CMIP: variants seen among roughly 807,000 people sequenced by gnomAD.
CMIP encodes C-Maf-inducing protein.
In CMIP, 13 loss-of-function variants were observed where a neutral mutation model predicts 97.3. That is an observed-to-expected ratio of 0.13 (90% confidence interval 0.09 to 0.21). The LOEUF (loss-of-function observed/expected upper bound fraction) is 0.21. Ranked by LOEUF, CMIP falls within the 10% of genes least tolerant of loss-of-function variation. The pLI, the probability that CMIP is intolerant of heterozygous loss-of-function variation, is 1.00. For synonymous variants in CMIP, 538 were observed against 436.3 expected, an observed-to-expected ratio of 1.23 and a Z score of -2.91; for missense variants, 847 against 1,024.9, an observed-to-expected ratio of 0.83 and a Z score of 2.37.
chr16:81,640,347 C>G (rs1312293261), intron 3 of CMIP, among the ~76,000 whole-genome samples: 1 of 149,834 alleles, frequency 6.7e-6, no homozygotes, highest in African/African-American at 2.4e-5. Context: ...CCAGCTCCCA[C>G]TTTCTCAACC....
chr16:81,494,624 C>G (rs1238329601), intron 1 of CMIP, among the ~76,000 whole-genome samples: 1 of 152,124 alleles, frequency 6.6e-6, no homozygotes, highest in African/African-American at 2.4e-5. Flanking sequence ...GGGGGACCCC[C>G]GGGGCCGCCC....
intron 1 of CMIP, among the ~76,000 whole-genome samples, chr16:81,607,273 G>C (rs534778914): frequency 6.6e-6 from 1 of 152,336 alleles, no homozygotes; most frequent in Admixed American, 6.5e-5. Flanking sequence ...CGCTGGCCCC[G>C]CGGATACCAA....
intron 1 of CMIP, among the ~76,000 whole-genome samples, chr16:81,494,815 A>G (rs1178550021): frequency 6.6e-6 from 1 of 152,204 alleles, no homozygotes; most frequent in African/African-American, 2.4e-5. Flanking sequence ...CATCATGAAT[A>G]TTATTAATAA....
intron 1 of CMIP, among the ~76,000 whole-genome samples, chr16:81,575,707 G>A (rs982824464): frequency 3.9e-5 from 6 of 152,302 alleles, no homozygotes; most frequent in East Asian, 1.9e-4. Flanking sequence ...GCATGTAAAC[G>A]TTGCGTGTTT....
intron 1 of CMIP, among the ~76,000 whole-genome samples, chr16:81,452,463 G>T (rs1360940685): frequency 6.6e-6 from 1 of 152,184 alleles, no homozygotes. Context: ...GCCTGTGTTG[G>T]TGGGAGTGGA....
intron 1 of CMIP, among the ~76,000 whole-genome samples, chr16:81,560,779 C>G (rs2090866990): frequency 6.6e-6 from 1 of 152,174 alleles, no homozygotes; most frequent in Non-Finnish European, 1.5e-5. Context: ...TACCACTGTG[C>G]TACAGCTACC....
At chr16:81,539,754 T>G (rs901302637) in intron 1 of CMIP, among the ~76,000 whole-genome samples, 3 of 152,158 alleles carry the variant, frequency 2.0e-5, no homozygotes, top group African/African-American at 7.2e-5. Context: ...CCTAATTCCC[T>G]CCGCCTCATC....
At chr16:81,603,274 G>A in intron 1 of CMIP, 2 of 397,408 alleles carry the variant, frequency 5.0e-6, no homozygotes, top group Non-Finnish European at 1.0e-5. Context: ...GTAGAGACGG[G>A]GTTTCACCAT....
intron 1 of CMIP, among the ~76,000 whole-genome samples, chr16:81,455,323 A>ACCCAGTTAGATACTGTTACT (rs1043228502): frequency 6.6e-6 from 1 of 152,212 alleles, no homozygotes; most frequent in Non-Finnish European, 1.5e-5. Context: ...GATCCGTACA[A>ACCCAGTTAGATACTGTTACT]CCCAGTTAGA....
intron 9 of CMIP, among the ~76,000 whole-genome samples, chr16:81,672,710 G>C (rs1359559117): frequency 2.0e-5 from 3 of 152,082 alleles, no homozygotes; most frequent in African/African-American, 7.2e-5. Context: ...CGAGTAGCTA[G>C]GACCACAGGC....
At chr16:81,639,280 T>C (rs1035916744) in intron 3 of CMIP, among the ~76,000 whole-genome samples, 4 of 152,252 alleles carry the variant, frequency 2.6e-5, no homozygotes, top group Non-Finnish European at 5.9e-5. Context: ...TTCGGTGAAA[T>C]ATGCATGAGG....
At chr16:81,628,888 C>T (rs747273881) in intron 3 of CMIP, among the ~76,000 whole-genome samples, 4 of 152,058 alleles carry the variant, frequency 2.6e-5, no homozygotes, top group Non-Finnish European at 4.4e-5. Context: ...GTAATCCCAG[C>T]ACTTTCGGAG....
At chr16:81,699,585 G>C (rs1385997780) in intron 14 of CMIP, 100 bp from the exon 15 acceptor site, 1 of 722,526 alleles carries the variant, frequency 1.4e-6, no homozygotes, top group African/African-American at 1.8e-5. Flanking sequence ...CAGCGTGTAG[G>C]CAGGTCTGTT....
In CMIP at chr16:81,579,602, G is replaced by T. The variant is rs2091260442; in HGVS notation, c.301-27965G>T. 2.0e-5 allele frequency among the ~76,000 whole-genome samples: 3 copies of T among 150,450 alleles called. No homozygotes were observed. In the South Asian group the frequency reaches 6.3e-4, roughly 31 times the overall value. ...CATAGCAGGTGTGGAAGAGGTAGAGGGGGCATGGCCCAGCCCTGCTCCCCC... is the reference window on the plus strand; with the variant it reads ...CATAGCAGGTGTGGAAGAGGTAGAGTGGGCATGGCCCAGCCCTGCTCCCCC... On this transcript the variant is annotated intron_variant, in intron 1 of 20. Transcript: ENST00000537098.
chr16:81,709,950 T>TG lies in CMIP; in HGVS notation c.*155dup. ...TTCTGGGGGCGGAGGGGGGAGGGGGTGGGGAGGGGGCCCACAAGCACGCCC... is the reference window on the plus strand; with the variant it reads ...TTCTGGGGGCGGAGGGGGGAGGGGGTGGGGGAGGGGGCCCACAAGCACGCCC... On this transcript the variant is annotated 3_prime_UTR_variant, in exon 21 of 21. Coordinates refer to ENST00000537098, the MANE Select transcript of CMIP (RefSeq NM_198390.3). The TG allele has an allele frequency of 1.4e-4, 3 of 21,070 alleles. No homozygotes were observed. Among genetic ancestry groups the TG allele is most frequent in the Non-Finnish European group, 3.0e-4 (3 of 10,014 alleles). 1.3% of individuals were successfully genotyped at this position (21,070 alleles called of 1,614,324 possible). A position where few individuals can be genotyped will look rare whatever the true frequency, so the allele number is the denominator to read the frequency against.
chr16:81,574,898 C>G (rs2091162500), intron 1 of CMIP, among the ~76,000 whole-genome samples: 1 of 152,208 alleles, frequency 6.6e-6, no homozygotes, highest in African/African-American at 2.4e-5. Context: ...AGCCCCTCCA[C>G]AGTAGCTGCT....
intron 9 of CMIP, among the ~76,000 whole-genome samples, chr16:81,676,635 C>A (rs138115271): frequency 2.6e-5 from 4 of 152,288 alleles, no homozygotes; most frequent in Admixed American, 6.5e-5. Context: ...GGACTTTAGC[C>A]GATGGATTGT....
intron 1 of CMIP, among the ~76,000 whole-genome samples, chr16:81,563,586 C>G (rs982784190): frequency 3.5e-4 from 54 of 152,208 alleles, no homozygotes; most frequent in Admixed American, 3.5e-3. Context: ...CACATTAAAG[C>G]TGAGACACTG....
intron 1 of CMIP, among the ~76,000 whole-genome samples, chr16:81,531,556 C>G (rs1239199998): frequency 6.6e-6 from 1 of 152,214 alleles, no homozygotes; most frequent in Non-Finnish European, 1.5e-5. Context: ...TTAGTGCTGA[C>G]CAAGTAGGAA....
Sources: allele counts gnomAD v4.1 joint callset (sites outside exome capture counted in the v4.1 genomes callset), GRCh38; gene constraint gnomAD v4.1.1; transcripts MANE v1.5; gene names NCBI Gene and HGNC (gene_info 2026-07-23, HGNC 2026-07-21).